Variants in PHF14 observed in about 807,000 individuals in gnomAD.
PHF14 encodes the protein PHD finger protein 14.
In PHF14, 55 loss-of-function variants were observed where a neutral mutation model predicts 117.9. That is an observed-to-expected ratio of 0.47 (90% CI 0.38 to 0.58). PHF14 has a LOEUF of 0.58. Among genes scored for constraint, PHF14 ranks in the 20% least tolerant of loss-of-function variants. PHF14 has a pLI of 0.00. For synonymous variants in PHF14, 409 were observed against 368.6 expected (o/e 1.11, Z -1.26); for missense variants, 978 against 1,122.2 (o/e 0.87, Z 1.84).
intron 4 of PHF14, among the ~76,000 whole-genome samples, chr7:11,009,548 G>C (rs368548757): frequency 2.6e-5 from 4 of 152,260 alleles, no homozygotes; most frequent in African/African-American, 9.6e-5. Context: ...AAGAAAATAT[G>C]TTTCCCATAC....
At chr7:10,987,296 T>C (rs1163242388) in intron 3 of PHF14, among the ~76,000 whole-genome samples, 2 of 152,114 alleles carry the variant, frequency 1.3e-5, no homozygotes, top group Non-Finnish European at 2.9e-5. Context: ...TTTTTTCTTA[T>C]CTTCAGGGCA....
chr7:11,109,301 A>G (rs369188657), intron 16 of PHF14: 17 of 151,970 alleles, frequency 1.1e-4, no homozygotes, highest in African/African-American at 4.1e-4. Context: ...AAGAATTCAA[A>G]TAGAACAGCT....
chr7:10,989,547 C>G (rs1156653329), intron 3 of PHF14, among the ~76,000 whole-genome samples: 2 of 152,106 alleles, frequency 1.3e-5, no homozygotes, highest in African/African-American at 4.8e-5. Context: ...AAGTTTAAAT[C>G]TATAATGCAG....
intron 14 of PHF14, 91 bp downstream of exon 14, chr7:11,051,871 G>C: frequency 9.7e-7 from 1 of 1,030,940 alleles, no homozygotes; most frequent in Non-Finnish European, 1.4e-6. Context: ...CATATACTCA[G>C]AAGTCAAAGA....
intron 16 of PHF14, among the ~76,000 whole-genome samples, chr7:11,071,703 A>G (rs537724077): frequency 2.0e-5 from 3 of 152,258 alleles, no homozygotes; most frequent in African/African-American, 7.2e-5. Flanking sequence ...TCAGGCAACC[A>G]CTGCAAATGT....
chr7:11,065,397 G>A (rs1242490417), intron 16 of PHF14, among the ~76,000 whole-genome samples: 2 of 152,082 alleles, frequency 1.3e-5, no homozygotes, highest in Admixed American at 1.3e-4. Context: ...TGTTTCGACA[G>A]TTCATGGCAC....
intron 17 of PHF14, among the ~76,000 whole-genome samples, chr7:11,160,442 A>T (rs912543475): frequency 6.6e-6 from 1 of 152,180 alleles, no homozygotes; most frequent in African/African-American, 2.4e-5. Flanking sequence ...GATGGATCTA[A>T]TAGTAGTTCT....
intron 8 of PHF14, 99 bp from the exon 9 acceptor site, chr7:11,036,319 T>G: frequency 9.6e-7 from 1 of 1,044,556 alleles, no homozygotes. Flanking sequence ...AAGTTCTGAT[T>G]ATCTTTCTGT....
At chr7:11,031,636 C>A (rs2128321079) in intron 7 of PHF14, among the ~76,000 whole-genome samples, 1 of 151,092 alleles carries the variant, frequency 6.6e-6, no homozygotes, top group Admixed American at 6.6e-5. Flanking sequence ...TGCCTGTAGT[C>A]TGAGCTACTA....
At chr7:11,092,539 G>C (rs1160423930) in intron 16 of PHF14, among the ~76,000 whole-genome samples, 1 of 137,660 alleles carries the variant, frequency 7.3e-6, no homozygotes, top group African/African-American at 2.7e-5. Flanking sequence ...AACAGGCCTG[G>C]ATCTCACTCT....
intron 16 of PHF14, chr7:11,062,531 A>C (rs1278663308): frequency 4.9e-6 from 1 of 203,200 alleles, no homozygotes; most frequent in African/African-American, 2.4e-5. Context: ...GCACTTTCTT[A>C]TTGCTTATCA....
chr7:11,166,790 C>T (rs796793648), intron 17 of PHF14, among the ~76,000 whole-genome samples: 17 of 152,182 alleles, frequency 1.1e-4, no homozygotes, highest in African/African-American at 4.1e-4. Flanking sequence ...AGTGACTTAA[C>T]AGCATAAAAG....
At chr7:11,102,348 TAG>T (rs1787121774) in intron 16 of PHF14, 2 of 823,912 alleles carry the variant, frequency 2.4e-6, no homozygotes, top group Middle Eastern at 2.3e-4. Context: ...CATTTAGGTT[TAG>T]AGTATCTATC....
intron 8 of PHF14, 58 bp from the exon 9 acceptor site, chr7:11,036,360 C>A: frequency 1.5e-6 from 2 of 1,374,946 alleles, no homozygotes; most frequent in Non-Finnish European, 2.0e-6. Context: ...ATGTAAAAAT[C>A]TTAAGGAACA....
chr7:11,063,124 T>A (rs528353835), intron 16 of PHF14: 18 of 949,708 alleles, frequency 1.9e-5, no homozygotes, highest in Non-Finnish European at 2.1e-5. Flanking sequence ...ATGAGTTTTT[T>A]ATGCTATCAA....
At chr7:11,148,486 T>C (rs1178793503) in intron 17 of PHF14, among the ~76,000 whole-genome samples, 1 of 152,220 alleles carries the variant, frequency 6.6e-6, no homozygotes, top group Non-Finnish European at 1.5e-5. Flanking sequence ...TCAGCTCTTT[T>C]GTAGCAGGGC....
chr7:11,114,325 A>T (rs1467474333), intron 17 of PHF14, among the ~76,000 whole-genome samples: 1 of 152,080 alleles, frequency 6.6e-6, no homozygotes, highest in Non-Finnish European at 1.5e-5. Flanking sequence ...GAAACTCTAA[A>T]ATATTGCTAT....
At chr7:11,070,365 G>A (rs188670252) in intron 16 of PHF14, among the ~76,000 whole-genome samples, 4 of 152,164 alleles carry the variant, frequency 2.6e-5, no homozygotes, top group African/African-American at 7.2e-5. Flanking sequence ...GGCATGAGCC[G>A]CTGTACCCAG....
At chr7:11,111,515 A>ATAG in intron 17 of PHF14, 48 bp downstream of exon 17, 1 of 902,380 alleles carries the variant, frequency 1.1e-6, no homozygotes, top group South Asian at 1.5e-5. Context: ...CTTCCGTTTG[A>ATAG]TAGCTTTCCC....
Sources: gnomAD v4.1 joint callset for allele counts (sites outside exome capture counted in the v4.1 genomes callset) on GRCh38, gnomAD v4.1.1 for gene constraint, MANE v1.5 for transcripts, NCBI Gene and HGNC (gene_info 2026-07-23, HGNC 2026-07-21) for gene names.